The following RTN1 variants were observed in gnomAD, a reference collection of about 807,000 sequenced individuals.
RTN1 encodes reticulon 1.
Under a neutral mutation model 65.5 loss-of-function variants are expected in RTN1, and 25 were observed. That is an observed-to-expected ratio of 0.38 (90% CI 0.28 to 0.53). The LOEUF (loss-of-function observed/expected upper bound fraction) is 0.53, where lower values mean the gene tolerates loss of function less well. RTN1 is among the 20% of genes least tolerant of loss of function. The probability of loss-of-function intolerance (pLI) is 0.79; values close to 1 mark genes in which losing one functional copy is unlikely to be tolerated. For missense variants in RTN1, 983 were observed against 1,025.4 expected (o/e 0.96, Z 0.57); for synonymous variants, 471 against 447.6 (o/e 1.05, Z -0.66).
intron 1 of RTN1, among the ~76,000 whole-genome samples, chr14:59,804,692 T>C (rs977156533): frequency 6.6e-6 from 1 of 152,088 alleles, no homozygotes; most frequent in Non-Finnish European, 1.5e-5. Flanking sequence ...AAAAAGCAAT[T>C]AAAAACTAGA....
chr14:59,749,841 AT>A (rs1885400267), intron 1 of RTN1, among the ~76,000 whole-genome samples: 1 of 114,158 alleles, frequency 8.8e-6, no homozygotes, highest in South Asian at 2.3e-4. Context: ...CTATATGTAT[AT>A]TTATATATAT....
intron 3 of RTN1, among the ~76,000 whole-genome samples, chr14:59,649,658 A>G (rs1882981551): frequency 6.6e-6 from 1 of 152,242 alleles, no homozygotes; most frequent in Non-Finnish European, 1.5e-5. Flanking sequence ...AAAGCTCATC[A>G]TCACTGGTCA....
chr14:59,755,086 A>G (rs1377961849), intron 1 of RTN1, among the ~76,000 whole-genome samples: 2 of 152,166 alleles, frequency 1.3e-5, no homozygotes, highest in African/African-American at 4.8e-5. Context: ...TAGGGTTGAG[A>G]TAAGGGGCTT....
chr14:59,769,662 G>C (rs1045615504), intron 1 of RTN1, among the ~76,000 whole-genome samples: 11 of 152,138 alleles, frequency 7.2e-5, no homozygotes, highest in Non-Finnish European at 1.5e-4. Context: ...AGATAAAAAG[G>C]GTTATTTCTC....
chr14:59,692,769 C>T (rs1883987890), intron 3 of RTN1, among the ~76,000 whole-genome samples: 1 of 152,092 alleles, frequency 6.6e-6, no homozygotes, highest in Non-Finnish European at 1.5e-5. Flanking sequence ...ACACCTACAG[C>T]CATCTGATAT....
At chr14:59,855,424 G>A (rs1053814639) in intron 1 of RTN1, among the ~76,000 whole-genome samples, 2 of 152,062 alleles carry the variant, frequency 1.3e-5, no homozygotes, top group Non-Finnish European at 2.9e-5. Flanking sequence ...TTTCTTTGGT[G>A]AGACTTTCTT....
intron 1 of RTN1, among the ~76,000 whole-genome samples, chr14:59,749,044 C>T (rs1885291690): frequency 6.7e-6 from 1 of 149,008 alleles, no homozygotes; most frequent in Non-Finnish European, 1.5e-5. Context: ...CCACCATGGC[C>T]TCCCCAGTGC....
intron 3 of RTN1, among the ~76,000 whole-genome samples, chr14:59,687,215 C>G (rs1326961565): frequency 6.6e-6 from 1 of 152,182 alleles, no homozygotes; most frequent in Admixed American, 6.5e-5. Context: ...CCTCTCTGCT[C>G]CATCCCCAGG....
chr14:59,680,606 A>T (rs1198549615), intron 3 of RTN1, among the ~76,000 whole-genome samples: 1 of 152,204 alleles, frequency 6.6e-6, no homozygotes, highest in East Asian at 1.9e-4. Flanking sequence ...ATGGAAGTAT[A>T]CATTTGTATC....
At chr14:59,635,384 G>T (rs1238468032) in intron 3 of RTN1, among the ~76,000 whole-genome samples, 7 of 152,008 alleles carry the variant, frequency 4.6e-5, no homozygotes, top group Admixed American at 6.5e-5. Flanking sequence ...TCTACCAAAG[G>T]TGACACTTTA....
chr14:59,804,780 T>C (rs561313033), intron 1 of RTN1, among the ~76,000 whole-genome samples: 1 of 152,306 alleles, frequency 6.6e-6, no homozygotes, highest in Non-Finnish European at 1.5e-5. Flanking sequence ...GCCAAGGGAA[T>C]ACAAAATGCT....
At chr14:59,672,115 AG>A (rs1883517342) in intron 3 of RTN1, among the ~76,000 whole-genome samples, 27 of 152,176 alleles carry the variant, frequency 1.8e-4, no homozygotes, top group Admixed American at 1.7e-3. Flanking sequence ...CAGGCAGGGA[AG>A]AGTGCCCTGG....
chr14:59,752,460 G>A (rs1407037664), intron 1 of RTN1, among the ~76,000 whole-genome samples: 5 of 152,064 alleles, frequency 3.3e-5, no homozygotes. Flanking sequence ...TCATTGCCTT[G>A]GGGGTTAGCA....
chr14:59,632,515 T>C (rs1030592021), intron 3 of RTN1, among the ~76,000 whole-genome samples: 2 of 152,080 alleles, frequency 1.3e-5, no homozygotes, highest in Non-Finnish European at 2.9e-5. Context: ...TGCTTTTCAG[T>C]TGGAGGGAGA....
chr14:59,622,856 T>G (rs902249714), intron 3 of RTN1, among the ~76,000 whole-genome samples: 3 of 152,206 alleles, frequency 2.0e-5, no homozygotes, highest in Non-Finnish European at 4.4e-5. Flanking sequence ...GGACTTCTGC[T>G]GATAAGACAC....
chr14:59,750,189 ATAT>A, intron 1 of RTN1, among the ~76,000 whole-genome samples: 1 of 73,878 alleles, frequency 1.4e-5, no homozygotes, highest in East Asian at 4.7e-4. Flanking sequence ...TATAATACAT[ATAT>A]TATATCTATA....
Position 59,701,640 on chromosome 14 carries a change from T to C in RTN1, c.1765+25279A>G, listed in dbSNP as rs142990352. 5.4e-3 allele frequency among the ~76,000 whole-genome samples: 826 copies of C among 152,104 alleles called. 8 individuals carry two copies. Among genetic ancestry groups the C allele is most frequent in the African/African-American group, 0.019 (786 of 41,478 alleles). ...AAACTGTGTCTATAATAGGCAAATCTATAGAAATAGAAAATAGATTCGTGG... is the reference window on the plus strand; with the variant it reads ...AAACTGTGTCTATAATAGGCAAATCCATAGAAATAGAAAATAGATTCGTGG... On this transcript the variant is annotated intron_variant, in intron 3 of 8. Coordinates refer to ENST00000267484, the MANE Select transcript of RTN1 (RefSeq NM_021136.3).
intron 3 of RTN1, among the ~76,000 whole-genome samples, chr14:59,649,124 C>A (rs865914125): frequency 6.6e-6 from 1 of 152,314 alleles, no homozygotes; most frequent in African/African-American, 2.4e-5. Flanking sequence ...ACCATCTGAT[C>A]TTTGACAAAC....
intron 1 of RTN1, among the ~76,000 whole-genome samples, chr14:59,835,102 T>C (rs553560908): frequency 2.6e-5 from 4 of 152,288 alleles, no homozygotes; most frequent in South Asian, 4.1e-4. Context: ...ACAACCCCAA[T>C]GACTATCATC....
Sources: gnomAD v4.1 joint callset for allele counts (sites outside exome capture counted in the v4.1 genomes callset) on GRCh38, gnomAD v4.1.1 for gene constraint, MANE v1.5 for transcripts, NCBI Gene and HGNC (gene_info 2026-07-23, HGNC 2026-07-21) for gene names.